Variants in KYNU observed in about 807,000 individuals in gnomAD.
KYNU encodes L-kynurenine hydrolase.
In KYNU, 54 loss-of-function variants were observed where a neutral mutation model predicts 59.2. The ratio of observed to expected loss-of-function variants is 0.91; its 90% CI spans 0.73 to 1.14. KYNU has a LOEUF of 1.14. Among genes scored for constraint, KYNU ranks in the 50% most tolerant of loss-of-function variants. The probability of loss-of-function intolerance (pLI) is 0.00; values close to 1 mark genes in which losing one functional copy is unlikely to be tolerated. For synonymous variants in KYNU, 177 were observed against 192.0 expected, an observed-to-expected ratio of 0.92 and a Z score of 0.65; for missense variants, 567 against 554.4, an observed-to-expected ratio of 1.02 and a Z score of -0.23.
At chr2:143,018,158 G>A (rs540076458) in intron 10 of KYNU, among the ~76,000 whole-genome samples, 1 of 152,194 alleles carries the variant, frequency 6.6e-6, no homozygotes, top group East Asian at 1.9e-4. Flanking sequence ...GGTCTCACTT[G>A]TCTATTTTTG....
intron 2 of KYNU, among the ~76,000 whole-genome samples, chr2:142,912,769 G>A (rs1485573901): frequency 9.6e-5 from 14 of 146,338 alleles, no homozygotes; most frequent in Non-Finnish European, 1.6e-4. Flanking sequence ...GAGTGCAGTG[G>A]CACGATCTCG....
chr2:142,979,502 T>A (rs1573865037), intron 8 of KYNU, among the ~76,000 whole-genome samples: 1 of 152,116 alleles, frequency 6.6e-6, no homozygotes, highest in East Asian at 1.9e-4. Flanking sequence ...GAATCTTCAC[T>A]CAAAGTTATC....
chr2:142,949,639 T>C (rs943092586), intron 4 of KYNU, among the ~76,000 whole-genome samples: 1 of 152,202 alleles, frequency 6.6e-6, no homozygotes, highest in Non-Finnish European at 1.5e-5. Flanking sequence ...GTCTGCACAC[T>C]GCAGGTGGGC....
At chr2:142,898,274 T>C (rs1166540481) in intron 2 of KYNU, among the ~76,000 whole-genome samples, 1 of 151,894 alleles carries the variant, frequency 6.6e-6, no homozygotes, top group Non-Finnish European at 1.5e-5. Flanking sequence ...TTTTCATACT[T>C]CGAGGCCAAA....
intron 12 of KYNU, among the ~76,000 whole-genome samples, chr2:143,038,334 T>C (rs1686945012): frequency 6.6e-6 from 1 of 152,190 alleles, no homozygotes; most frequent in Admixed American, 6.5e-5. Context: ...CCAAACCAGC[T>C]GTGGCCCGTG....
intron 4 of KYNU, among the ~76,000 whole-genome samples, chr2:142,929,359 CAAAAAAAAAA>C (rs5834929): frequency 0.47 from 50,785 of 107,208 alleles, 9,325 homozygotes; most frequent in South Asian, 0.56. Flanking sequence ...TTGCCTTTCT[CAAAAAAAAAA>C]AAAAAAAAAA....
intron 10 of KYNU, among the ~76,000 whole-genome samples, chr2:143,023,063 T>C (rs1461573790): frequency 6.6e-6 from 1 of 151,948 alleles, no homozygotes; most frequent in East Asian, 1.9e-4. Context: ...ATTATTGATT[T>C]ATTTGTTTTC....
At chr2:142,956,978 A>G (rs902411068) in intron 6 of KYNU, among the ~76,000 whole-genome samples, 1 of 152,118 alleles carries the variant, frequency 6.6e-6, no homozygotes, top group Non-Finnish European at 1.5e-5. Flanking sequence ...CCTCGTCTCT[A>G]TAAAGTAAAT....
chr2:142,960,120 C>T (rs1248887054), intron 7 of KYNU, among the ~76,000 whole-genome samples: 1 of 152,214 alleles, frequency 6.6e-6, no homozygotes. Flanking sequence ...CTCCTTACCT[C>T]AAGTGATCTG....
At chr2:142,907,111 C>T (rs921586868) in intron 2 of KYNU, among the ~76,000 whole-genome samples, 1 of 152,168 alleles carries the variant, frequency 6.6e-6, no homozygotes, top group East Asian at 1.9e-4. Context: ...AATCCCCATA[C>T]GAGGCCACCA....
intron 2 of KYNU, among the ~76,000 whole-genome samples, chr2:142,906,380 G>A (rs1682298335): frequency 6.6e-6 from 1 of 152,174 alleles, no homozygotes; most frequent in South Asian, 2.1e-4. Context: ...GTAGAAATTA[G>A]GGGAGGAGAG....
At chr2:142,986,562 C>T (rs1685207089) in intron 10 of KYNU, among the ~76,000 whole-genome samples, 1 of 151,838 alleles carries the variant, frequency 6.6e-6, no homozygotes, top group South Asian at 2.1e-4. Context: ...AAAAGTAATA[C>T]TTTTCTGTTT....
At chr2:142,909,790 C>T (rs1277787556) in intron 2 of KYNU, among the ~76,000 whole-genome samples, 3 of 152,130 alleles carry the variant, frequency 2.0e-5, no homozygotes, top group Non-Finnish European at 4.4e-5. Flanking sequence ...CCTAGTAGAA[C>T]AATGTATTTT....
intron 6 of KYNU, among the ~76,000 whole-genome samples, chr2:142,956,870 C>G (rs1684180176): frequency 6.6e-6 from 1 of 152,094 alleles, no homozygotes; most frequent in African/African-American, 2.4e-5. Context: ...AGTCTGGGCA[C>G]AGTGGCTCAC....
chr2:142,906,196 G>A (rs1253267641), intron 2 of KYNU, among the ~76,000 whole-genome samples: 2 of 152,186 alleles, frequency 1.3e-5, no homozygotes, highest in African/African-American at 4.8e-5. Context: ...ATAGGAATAT[G>A]TGCCTCCCTT....
At chr2:142,881,427 G>C (rs562103583) in intron 1 of KYNU, 2 of 152,190 alleles carry the variant, frequency 1.3e-5, no homozygotes, top group East Asian at 3.8e-4. Context: ...TGAAAATCGA[G>C]AGTGTAAGAA....
chr2:143,012,954 T>C (rs79260335), intron 10 of KYNU, among the ~76,000 whole-genome samples: 13,500 of 152,242 alleles, frequency 0.089, 821 homozygotes, highest in African/African-American at 0.16. Flanking sequence ...GATCATGCAA[T>C]TTTTCCATGT....
At chr2:142,934,793 G>A (rs1683330975) in intron 4 of KYNU, among the ~76,000 whole-genome samples, 1 of 152,220 alleles carries the variant, frequency 6.6e-6, no homozygotes. Flanking sequence ...GTTTTGGCCA[G>A]CTTCGGAAGG....
Position 142,927,718 on chromosome 2 carries a change from T to C in KYNU, c.350T>C (p.Val117Ala), listed in dbSNP as rs902261535. 1 of 1,612,244 alleles carries C rather than the reference T, an allele frequency of 6.2e-7. No homozygotes were observed. Among genetic ancestry groups the C allele is most frequent in the Non-Finnish European group, 8.5e-7 (1 of 1,178,392 alleles). ...RPWITGDESIVGLMKDIVGAN... is the reference protein window; with the variant it reads ...RPWITGDESIAGLMKDIVGAN... ...TGGATTACAGGAGATGAGAGTATTG[T>C]AGGCCTTATGAAGGACATTGTAGGT... Residue 117 changes from valine (V) to alanine (A), a missense_variant, in exon 4 of 14, where the codon GTA (valine) becomes GCA (alanine). Physicochemically the swap from Val to Ala is moderately conservative, Grantham distance 64. Coordinates refer to ENST00000264170, the MANE Select transcript of KYNU (RefSeq NM_003937.3).
Sources: allele counts gnomAD v4.1 joint callset (sites outside exome capture counted in the v4.1 genomes callset), GRCh38; gene constraint gnomAD v4.1.1; transcripts MANE v1.5; gene names NCBI Gene and HGNC (gene_info 2026-07-23, HGNC 2026-07-21).